The following KCNK2 variants were observed in gnomAD, a reference collection of about 807,000 sequenced individuals.
KCNK2 encodes potassium two pore domain channel subfamily K member 2.
KCNK2 carries 21 observed loss-of-function variants against 40.5 expected under a neutral mutation model. The ratio of observed to expected loss-of-function variants is 0.52; its 90% CI spans 0.37 to 0.75. KCNK2 has a LOEUF of 0.75. Among genes scored for constraint, KCNK2 ranks in the 30% least tolerant of loss-of-function variants. The pLI is 0.00. For synonymous variants in KCNK2, 191 were observed against 202.2 expected, an observed-to-expected ratio of 0.94 and a Z score of 0.47; for missense variants, 399 against 531.6, an observed-to-expected ratio of 0.75 and a Z score of 2.45.
intron 6 of KCNK2, among the ~76,000 whole-genome samples, chr1:215,209,478 A>T (rs1571732129): frequency 1.1e-4 from 1 of 9,324 alleles, no homozygotes; most frequent in African/African-American, 4.4e-4. Flanking sequence ...AATATATATT[A>T]TATATAATAC....
chr1:215,055,758 A>C (rs1350126646), intron 1 of KCNK2, among the ~76,000 whole-genome samples: 1 of 152,204 alleles, frequency 6.6e-6, no homozygotes, highest in Non-Finnish European at 1.5e-5. Flanking sequence ...CTAGCAGAGG[A>C]ATGCTTGGCA....
intron 2 of KCNK2, among the ~76,000 whole-genome samples, chr1:215,105,028 CTGTTA>C (rs760869408): frequency 5.4e-4 from 82 of 152,084 alleles, no homozygotes; most frequent in Middle Eastern, 3.4e-3. Flanking sequence ...TTAAACTGTT[CTGTTA>C]TATCAGGCAC....
At chr1:215,030,541 C>CTT (rs201006848) in intron 1 of KCNK2, among the ~76,000 whole-genome samples, 47 of 146,636 alleles carry the variant, frequency 3.2e-4, no homozygotes, top group African/African-American at 1.1e-3. Flanking sequence ...TGTTACCTAT[C>CTT]TTTTTTTTTT....
intron 1 of KCNK2, among the ~76,000 whole-genome samples, chr1:215,010,868 TTGTGTGTGTG>T (rs1310617219): frequency 1.8e-4 from 25 of 135,690 alleles, no homozygotes; most frequent in African/African-American, 6.0e-4. Context: ...TTTTTTTTTT[TTGTGTGTGTG>T]TGTGTGTGTG....
intron 1 of KCNK2, among the ~76,000 whole-genome samples, chr1:215,040,604 A>G (rs1251851188): frequency 6.6e-6 from 1 of 152,200 alleles, no homozygotes; most frequent in Non-Finnish European, 1.5e-5. Flanking sequence ...CTTATGAAGC[A>G]GGCAAGTGGC....
chr1:215,044,995 C>T (rs549069348), intron 1 of KCNK2, among the ~76,000 whole-genome samples: 6 of 127,212 alleles, frequency 4.7e-5, no homozygotes, highest in African/African-American at 1.8e-4. Context: ...ACGGTGAAAC[C>T]GCGTCTCTAC....
chr1:215,215,902 A>G (rs1017763407), intron 6 of KCNK2, among the ~76,000 whole-genome samples: 3 of 152,106 alleles, frequency 2.0e-5, no homozygotes, highest in Non-Finnish European at 2.9e-5. Context: ...CACCTCCACA[A>G]TATTTCCATT....
intron 1 of KCNK2, among the ~76,000 whole-genome samples, chr1:215,031,572 T>G (rs369179399): frequency 7.3e-4 from 111 of 152,302 alleles, no homozygotes; most frequent in African/African-American, 2.4e-3. Context: ...ATGCTTCTTA[T>G]TTTTGGATTA....
chr1:215,160,069 A>C (rs1663126293), intron 3 of KCNK2, among the ~76,000 whole-genome samples: 1 of 152,252 alleles, frequency 6.6e-6, no homozygotes. Context: ...GAAACTAAAC[A>C]GATATGCCAG....
chr1:215,140,256 C>G (rs1183311604), intron 3 of KCNK2, among the ~76,000 whole-genome samples: 1 of 152,106 alleles, frequency 6.6e-6, no homozygotes, highest in Non-Finnish European at 1.5e-5. Context: ...TTTGTTGACT[C>G]ATTCTTTAGG....
intron 1 of KCNK2, among the ~76,000 whole-genome samples, chr1:215,023,700 G>A (rs999148080): frequency 6.6e-6 from 1 of 152,170 alleles, no homozygotes; most frequent in African/African-American, 2.4e-5. Flanking sequence ...ATCAGTAATG[G>A]CAATGATGCA....
chr1:215,129,645 G>A (rs930833505), intron 3 of KCNK2, among the ~76,000 whole-genome samples: 3 of 152,194 alleles, frequency 2.0e-5, no homozygotes, highest in African/African-American at 7.2e-5. Context: ...GGGTGGGACA[G>A]ATTTTGGCAT....
At chr1:215,062,290 A>G (rs1658387025) in intron 1 of KCNK2, among the ~76,000 whole-genome samples, 1 of 152,100 alleles carries the variant, frequency 6.6e-6, no homozygotes, top group African/African-American at 2.4e-5. Flanking sequence ...GCAGCAAACA[A>G]AGGCAGTCAG....
At chr1:215,079,741 A>G (rs528414518), upstream of KCNK2, among the ~76,000 whole-genome samples, 77 of 152,348 alleles carry the variant, frequency 5.1e-4, no homozygotes, top group African/African-American at 1.8e-3. Flanking sequence ...TCATTCCTCC[A>G]GCTGCAATGA....
At chr1:215,060,576 T>C (rs1230542255) in intron 1 of KCNK2, among the ~76,000 whole-genome samples, 1 of 152,118 alleles carries the variant, frequency 6.6e-6, no homozygotes, top group Non-Finnish European at 1.5e-5. Flanking sequence ...GTTCATGCCA[T>C]GTAGGAGGTG....
chr1:215,021,263 G>T (rs1656775124), intron 1 of KCNK2, among the ~76,000 whole-genome samples: 1 of 152,084 alleles, frequency 6.6e-6, no homozygotes, highest in East Asian at 1.9e-4. Context: ...TATTTCATCT[G>T]GTTGAAATTC....
chr1:215,084,394 C>T (rs1188738132), intron 1 of KCNK2, among the ~76,000 whole-genome samples: 1 of 152,146 alleles, frequency 6.6e-6, no homozygotes, highest in Non-Finnish European at 1.5e-5. Context: ...GCACAGAGAT[C>T]TGAGGAGGAG....
At chr1:215,173,841 T>C (rs1334098813) in intron 5 of KCNK2, among the ~76,000 whole-genome samples, 11 of 152,230 alleles carry the variant, frequency 7.2e-5, no homozygotes, top group Non-Finnish European at 1.5e-4. Context: ...TGTAAATTTG[T>C]TGGAGTTCAT....
chr1:215,109,766 T>C (rs1012702839), intron 2 of KCNK2, among the ~76,000 whole-genome samples: 2 of 152,158 alleles, frequency 1.3e-5, no homozygotes, highest in Admixed American at 1.3e-4. Context: ...GATTGTATGG[T>C]AGTTCTATTC....
Sources: gnomAD v4.1 joint callset for allele counts (sites outside exome capture counted in the v4.1 genomes callset) on GRCh38, gnomAD v4.1.1 for gene constraint, MANE v1.5 for transcripts, NCBI Gene and HGNC (gene_info 2026-07-23, HGNC 2026-07-21) for gene names.